GPC5: variants seen among roughly 807,000 people sequenced by gnomAD.
The protein encoded by GPC5 is glypican 5, also known as glypican-5.
A neutral mutation model predicts 53.9 loss-of-function variants in GPC5; 47 were observed. The ratio of observed to expected loss-of-function variants is 0.87; its 90% confidence interval spans 0.69 to 1.11. The LOEUF is 1.11. Ranked by LOEUF, GPC5 falls within the 50% of genes most tolerant of loss-of-function variation. GPC5 has a pLI of 0.00. For synonymous variants in GPC5, 286 were observed against 263.3 expected, an observed-to-expected ratio of 1.09 and a Z score of -0.84; for missense variants, 748 against 713.1, an observed-to-expected ratio of 1.05 and a Z score of -0.56.
chr13:91,915,263 T>C (rs1293644332), intron 6 of GPC5, among the ~76,000 whole-genome samples: 1 of 152,204 alleles, frequency 6.6e-6, no homozygotes, highest in Non-Finnish European at 1.5e-5. Flanking sequence ...AATTTAGCAA[T>C]TAGTTTGTCT....
At chr13:91,463,268 C>T (rs1208250893) in intron 2 of GPC5, among the ~76,000 whole-genome samples, 4 of 152,112 alleles carry the variant, frequency 2.6e-5, no homozygotes, top group Admixed American at 2.6e-4. Flanking sequence ...TGGTGTGTGG[C>T]AAATTCAAGT....
chr13:92,310,735 C>T (rs976154129), intron 7 of GPC5, among the ~76,000 whole-genome samples: 1 of 152,094 alleles, frequency 6.6e-6, no homozygotes, highest in African/African-American at 2.4e-5. Context: ...TTCAGTCCTC[C>T]CTACTGCCTT....
intron 5 of GPC5, among the ~76,000 whole-genome samples, chr13:91,763,586 A>T (rs893235223): frequency 2.6e-5 from 4 of 152,224 alleles, no homozygotes; most frequent in African/African-American, 9.6e-5. Context: ...ATCACATTGC[A>T]GATTACACAT....
At chr13:92,628,858 C>T (rs1345915658) in intron 7 of GPC5, among the ~76,000 whole-genome samples, 6 of 152,188 alleles carry the variant, frequency 3.9e-5, no homozygotes, top group Admixed American at 1.3e-4. Flanking sequence ...GAGGATGTCT[C>T]TATATCACCA....
intron 7 of GPC5, among the ~76,000 whole-genome samples, chr13:92,456,253 T>C (rs1878264794): frequency 6.6e-6 from 1 of 152,186 alleles, no homozygotes; most frequent in South Asian, 2.1e-4. Context: ...AAAGGAGCAC[T>C]TGCTCTTAAG....
intron 7 of GPC5, among the ~76,000 whole-genome samples, chr13:92,613,285 AT>A (rs1219470023): frequency 1.1e-4 from 13 of 121,600 alleles, no homozygotes; most frequent in Non-Finnish European, 1.9e-4. Flanking sequence ...TATAATATAT[AT>A]TTTATATATA....
chr13:92,405,147 T>C (rs1401463251), intron 7 of GPC5, among the ~76,000 whole-genome samples: 1 of 131,508 alleles, frequency 7.6e-6, no homozygotes, highest in Non-Finnish European at 1.7e-5. Context: ...TACCTGCTAA[T>C]TCCATCCAGT....
chr13:91,931,303 T>C (rs1387223412), intron 6 of GPC5, among the ~76,000 whole-genome samples: 1 of 152,046 alleles, frequency 6.6e-6, no homozygotes, highest in Non-Finnish European at 1.5e-5. Context: ...AAGGCTTACG[T>C]ATAACATCAA....
chr13:91,833,577 A>T lies in GPC5; in HGVS notation c.1281-74360A>T, dbSNP rs567491585. On this transcript the variant is annotated intron_variant, in intron 5 of 7. Transcript: ENST00000377067. ...CGATCAAGTCGCCTTGATCCCTGGG[A>T]TGGTTCAACATATGCAAATCGATAA... Among the ~76,000 whole-genome samples, 52 of 151,284 alleles carry T rather than the reference A, an allele frequency of 3.4e-4. No individual in the cohort carries two copies. The South Asian group carries it at 0.01, about 30-fold the overall frequency.
intron 7 of GPC5, among the ~76,000 whole-genome samples, chr13:92,540,283 T>C (rs1184634735): frequency 6.6e-6 from 1 of 151,918 alleles, no homozygotes; most frequent in Non-Finnish European, 1.5e-5. Context: ...TTTCAACACA[T>C]AAATAAAAGC....
At chr13:91,932,866 G>A (rs973685815) in intron 6 of GPC5, among the ~76,000 whole-genome samples, 7 of 151,802 alleles carry the variant, frequency 4.6e-5, no homozygotes, top group African/African-American at 9.7e-5. Flanking sequence ...ATATTCCAAC[G>A]ACACCAAAAT....
At chr13:92,070,835 A>C (rs1433317731) in intron 6 of GPC5, among the ~76,000 whole-genome samples, 1 of 152,166 alleles carries the variant, frequency 6.6e-6, no homozygotes, top group African/African-American at 2.4e-5. Context: ...GAGGTGCAAT[A>C]ACTTTCTATG....
intron 1 of GPC5, among the ~76,000 whole-genome samples, chr13:91,422,074 C>T (rs914646689): frequency 2.0e-5 from 3 of 152,186 alleles, no homozygotes; most frequent in Non-Finnish European, 4.4e-5. Context: ...TCCTGAGTCT[C>T]TCAGCGCTAC....
chr13:91,778,940 G>A (rs77648767), intron 5 of GPC5, among the ~76,000 whole-genome samples: 4 of 152,248 alleles, frequency 2.6e-5, no homozygotes, highest in East Asian at 1.9e-4. Flanking sequence ...ATGTGACTAC[G>A]CTGAATGCTG....
rs538892189 is a variant in GPC5, at chr13:91,842,596, G to A, written c.1281-65341G>A. Among the ~76,000 whole-genome samples the A allele has an allele frequency of 4.0e-4, 60 of 148,928 alleles. No individual in the cohort carries two copies. The East Asian group carries it at 0.012, about 30-fold the overall frequency. On this transcript the variant is annotated intron_variant, in intron 5 of 7. Transcript: ENST00000377067. ...GGGCGCCTGTAGTCCCAGCTACTTG[G>A]GAGGCTGAGGCAGGAGAATGGCATG...
intron 6 of GPC5, among the ~76,000 whole-genome samples, chr13:91,957,992 C>G (rs1331793084): frequency 6.6e-6 from 1 of 151,658 alleles, no homozygotes; most frequent in Non-Finnish European, 1.5e-5. Flanking sequence ...AACCAAAAAT[C>G]AATTAATAAA....
At chr13:92,633,607 A>G (rs1397565499) in intron 7 of GPC5, among the ~76,000 whole-genome samples, 1 of 152,076 alleles carries the variant, frequency 6.6e-6, no homozygotes, top group African/African-American at 2.4e-5. Flanking sequence ...TTTTCCCAAA[A>G]CATTCTGAAA....
intron 7 of GPC5, among the ~76,000 whole-genome samples, chr13:92,590,852 A>T (rs146920828): frequency 1.6e-4 from 25 of 152,300 alleles, no homozygotes; most frequent in Admixed American, 7.2e-4. Context: ...CCCTATCCAG[A>T]TAGCTATGAG....
intron 7 of GPC5, among the ~76,000 whole-genome samples, chr13:92,520,288 C>G (rs1374639227): frequency 6.6e-6 from 1 of 152,164 alleles, no homozygotes; most frequent in Admixed American, 6.5e-5. Flanking sequence ...AAGAGGCCAG[C>G]ATCATCCTGA....
Sources: allele counts gnomAD v4.1 joint callset (sites outside exome capture counted in the v4.1 genomes callset), GRCh38; gene constraint gnomAD v4.1.1; transcripts MANE v1.5; gene names NCBI Gene and HGNC (gene_info 2026-07-23, HGNC 2026-07-21).